ZBTB16: variants seen among roughly 807,000 people sequenced by gnomAD.
ZBTB16 encodes the protein zinc finger and BTB domain containing 16.
In ZBTB16, 8 loss-of-function variants were observed where a neutral mutation model predicts 56.8. That is an observed-to-expected ratio of 0.14 (90% CI 0.08 to 0.25). ZBTB16 has a LOEUF of 0.25. Ranked by LOEUF, ZBTB16 falls within the 10% of genes least tolerant of loss-of-function variation. ZBTB16 has a pLI of 1.00. For missense variants in ZBTB16, 625 were observed against 903.0 expected, an observed-to-expected ratio of 0.69 and a Z score of 3.95; for synonymous variants, 363 against 368.5, an observed-to-expected ratio of 0.98 and a Z score of 0.17.
intron 3 of ZBTB16, among the ~76,000 whole-genome samples, chr11:114,185,177 C>T (rs930726401): frequency 2.0e-5 from 3 of 152,112 alleles, no homozygotes; most frequent in Non-Finnish European, 2.9e-5. Context: ...CCACTGTACT[C>T]CAGCCTTGGT....
At chr11:114,183,556 G>A (rs951160390) in intron 3 of ZBTB16, among the ~76,000 whole-genome samples, 6 of 152,208 alleles carry the variant, frequency 3.9e-5, no homozygotes, top group South Asian at 2.1e-4. Flanking sequence ...GCTTCTCGCC[G>A]ATTGGAGTGC....
chr11:114,059,827 G>A lies in ZBTB16; in HGVS notation c.-146G>A. ...CCAGCAACACCCCTCCCCGACACAG[G>A]CACACACCCCCCGACAGGCACGCAC... On this transcript the variant is annotated 5_prime_UTR_variant, in exon 1 of 7. Transcript: ENST00000335953. The surrounding 1 kb of genome is among the most constrained non-coding windows in gnomAD (Gnocchi z 5.3). The A allele has an allele frequency of 2.5e-6, 1 of 398,120 alleles. No individual in the cohort carries two copies. The highest frequency in any genetic ancestry group is 4.4e-6 in the Non-Finnish European group (1 of 225,844). 24.7% of individuals were successfully genotyped at this position (398,120 alleles called of 1,614,324 possible).
chr11:114,215,101 TGAAAA>T (rs1444037973), intron 4 of ZBTB16, among the ~76,000 whole-genome samples: 2 of 152,128 alleles, frequency 1.3e-5, no homozygotes, highest in African/African-American at 2.4e-5. Context: ...ACCAAAACGC[TGAAAA>T]GAATTGTCTT....
chr11:114,138,759 C>T (rs1941867027), intron 2 of ZBTB16, among the ~76,000 whole-genome samples: 2 of 151,920 alleles, frequency 1.3e-5, no homozygotes, highest in African/African-American at 2.4e-5. Context: ...GGTGCGATCT[C>T]GGATCACTGC....
chr11:114,233,985 ACT>A (rs1389721680), intron 4 of ZBTB16, among the ~76,000 whole-genome samples: 1 of 151,530 alleles, frequency 6.6e-6, no homozygotes, highest in Non-Finnish European at 1.5e-5. Context: ...AAATGTAATC[ACT>A]CTCTCATCCA....
chr11:114,192,752 G>C (rs1943527846), intron 4 of ZBTB16, among the ~76,000 whole-genome samples: 1 of 152,166 alleles, frequency 6.6e-6, no homozygotes, highest in African/African-American at 2.4e-5. Context: ...GGAGAACCGG[G>C]TCTCCCAGGG....
intron 4 of ZBTB16, among the ~76,000 whole-genome samples, chr11:114,230,945 A>T (rs1331801150): frequency 7.3e-5 from 11 of 151,406 alleles, no homozygotes; most frequent in Admixed American, 7.2e-4. Context: ...CTATCTCTGG[A>T]ATACATTGGG....
intron 3 of ZBTB16, among the ~76,000 whole-genome samples, chr11:114,169,932 G>C (rs568773068): frequency 6.6e-6 from 1 of 152,272 alleles, no homozygotes; most frequent in East Asian, 1.9e-4. Context: ...AACCATCCAG[G>C]CAGGCATCTC....
At chr11:114,152,535 T>C (rs73566935) in intron 2 of ZBTB16, among the ~76,000 whole-genome samples, 36 of 152,336 alleles carry the variant, frequency 2.4e-4, no homozygotes, top group African/African-American at 8.4e-4. Flanking sequence ...TGAAAATCTG[T>C]TACAAGCAAG....
At chr11:114,188,644 G>A (rs1170822470) in intron 4 of ZBTB16, 4 of 152,184 alleles carry the variant, frequency 2.6e-5, no homozygotes, top group Admixed American at 2.0e-4. Context: ...TGCTGGCACT[G>A]TTTAGGCATT....
At chr11:114,208,053 C>T (rs1943924152) in intron 4 of ZBTB16, among the ~76,000 whole-genome samples, 1 of 152,176 alleles carries the variant, frequency 6.6e-6, no homozygotes, top group South Asian at 2.1e-4. Flanking sequence ...CTGGCCTTGC[C>T]TGCCTGGTAT....
chr11:114,149,943 G>A (rs1260123133), intron 2 of ZBTB16, among the ~76,000 whole-genome samples: 7 of 152,170 alleles, frequency 4.6e-5, no homozygotes, highest in Non-Finnish European at 7.4e-5. Flanking sequence ...TGCCTTGTTA[G>A]CAATAGCTTC....
chr11:114,230,631 T>TGGGGG (rs35466609), intron 4 of ZBTB16, among the ~76,000 whole-genome samples: 2 of 102,460 alleles, frequency 2.0e-5, no homozygotes, highest in Admixed American at 1.1e-4. Context: ...TCATCTTCTG[T>TGGGGG]GGGGGGGGGG....
At chr11:114,170,851 G>T (rs1942945197) in intron 3 of ZBTB16, among the ~76,000 whole-genome samples, 1 of 152,178 alleles carries the variant, frequency 6.6e-6, no homozygotes, top group Admixed American at 6.5e-5. Context: ...TGAAACTTTG[G>T]ATTTGCTGGA....
rs1390463783 is a variant in ZBTB16, at chr11:114,250,458, T to A, written c.1925T>A (p.Leu642His). The A allele has an allele frequency of 1.2e-6, 2 of 1,613,714 alleles. No homozygotes were observed. Among genetic ancestry groups the A allele is most frequent in the African/African-American group, 2.7e-5 (2 of 74,810 alleles). Residue 642 changes from leucine (L) to histidine (H), a missense_variant, in exon 7 of 7, where the codon CTC (leucine) becomes CAC (histidine). Physicochemically the swap from Leu to His is moderately conservative, Grantham distance 99 (BLOSUM62 -3). Coordinates refer to ENST00000335953, the MANE Select transcript of ZBTB16 (RefSeq NM_006006.6). The surrounding 1 kb of genome is among the most constrained non-coding windows in gnomAD (Gnocchi z 6.0). ...CTICTEYCPS[L>H]SSMQKHMKGH... ...ATCTGCACAGAGTACTGCCCCAGCCTCTCCTCCATGCAGAAGCACATGAAG... is the reference window on the plus strand; with the variant it reads ...ATCTGCACAGAGTACTGCCCCAGCCACTCCTCCATGCAGAAGCACATGAAG...
intron 2 of ZBTB16, among the ~76,000 whole-genome samples, chr11:114,142,285 A>AC (rs888567300): frequency 6.6e-6 from 1 of 151,552 alleles, no homozygotes; most frequent in African/African-American, 2.4e-5. Context: ...TCTCCTTCCC[A>AC]CCCCCTTCCC....
rs971379937 is a variant in ZBTB16, at chr11:114,253,063, G to A, written c.*2508G>A. Among the ~76,000 whole-genome samples the A allele has an allele frequency of 1.3e-5, 2 of 152,224 alleles. No individual in the cohort carries two copies. Among genetic ancestry groups the A allele is most frequent in the African/African-American group, 4.8e-5 (2 of 41,448 alleles). ...CATTTGGGGGAGGGGCCGTCTGTAA[G>A]AAATCATTATGCACTATGGCTTCCT... On this transcript the variant is annotated 3_prime_UTR_variant, in exon 7 of 7. Coordinates refer to ENST00000335953, the MANE Select transcript of ZBTB16 (RefSeq NM_006006.6).
intron 2 of ZBTB16, among the ~76,000 whole-genome samples, chr11:114,125,247 A>G (rs548912160): frequency 4.2e-4 from 64 of 152,320 alleles, no homozygotes; most frequent in African/African-American, 1.5e-3. Flanking sequence ...CTTTATTTTT[A>G]TGAAATAATT....
chr11:114,216,058 C>T (rs1944087870), intron 4 of ZBTB16, among the ~76,000 whole-genome samples: 1 of 152,314 alleles, frequency 6.6e-6, no homozygotes, highest in South Asian at 2.1e-4. Context: ...TTTGTTACCA[C>T]CTCTCCCGCT....
Sources: allele counts gnomAD v4.1 joint callset (sites outside exome capture counted in the v4.1 genomes callset), GRCh38; gene constraint gnomAD v4.1.1; non-coding constraint Gnocchi (gnomAD v3.1); transcripts MANE v1.5; gene names NCBI Gene and HGNC (gene_info 2026-07-23, HGNC 2026-07-21).